FSTL5: variants seen among roughly 807,000 people sequenced by gnomAD.
FSTL5 encodes follistatin like 5, also known as follistatin-related protein 5.
FSTL5 carries 62 observed loss-of-function variants against 89.1 expected under a neutral mutation model. The ratio of observed to expected loss-of-function variants is 0.70; its 90% CI spans 0.57 to 0.86. The LOEUF (loss-of-function observed/expected upper bound fraction) is 0.86. FSTL5 is among the 40% of genes least tolerant of loss of function. FSTL5 has a pLI of 0.00. For missense variants in FSTL5, 1,057 were observed against 1,001.6 expected (o/e 1.06, Z -0.75); for synonymous variants, 383 against 346.2 (o/e 1.11, Z -1.18).
At chr4:162,118,203 C>T (rs1731719623) in intron 1 of FSTL5, among the ~76,000 whole-genome samples, 1 of 152,104 alleles carries the variant, frequency 6.6e-6, no homozygotes, top group Admixed American at 6.5e-5. Context: ...ACACCTACTA[C>T]TGTGAACTCT....
At chr4:162,158,531 A>T (rs1492463) in intron 1 of FSTL5, among the ~76,000 whole-genome samples, 1 of 151,734 alleles carries the variant, frequency 6.6e-6, no homozygotes, top group Admixed American at 6.6e-5. Flanking sequence ...AGTAAAAATG[A>T]TTAGTTTTGA....
chr4:162,081,997 C>T (rs1009452622), intron 2 of FSTL5, among the ~76,000 whole-genome samples: 7 of 151,522 alleles, frequency 4.6e-5, no homozygotes, highest in Non-Finnish European at 8.9e-5. Flanking sequence ...TGCATTGATT[C>T]CAACGTTTAA....
At chr4:161,695,216 C>G (rs1738097355) in intron 6 of FSTL5, among the ~76,000 whole-genome samples, 1 of 152,036 alleles carries the variant, frequency 6.6e-6, no homozygotes, top group Admixed American at 6.6e-5. Flanking sequence ...CCTTCCCAGC[C>G]TTTCCCCCGA....
rs140996439 is a variant in FSTL5 at position 161,534,826 on chromosome 4, T to A, written c.1312+3340A>T. ...CATCACACTATACTTCACACTATACTACAGGGAGACAGTAAACAAAACAGC... is the reference window on the plus strand; with the variant it reads ...CATCACACTATACTTCACACTATACAACAGGGAGACAGTAAACAAAACAGC... On this transcript the variant is annotated intron_variant, in intron 10 of 15. Coordinates refer to ENST00000306100, the MANE Select transcript of FSTL5 (RefSeq NM_020116.5). Among the ~76,000 whole-genome samples, 7 of 152,098 alleles carry A rather than the reference T, an allele frequency of 4.6e-5. No homozygotes were observed. In the East Asian group the frequency reaches 1.4e-3, roughly 29 times the overall value.
chr4:161,866,014 T>C (rs905102287), intron 4 of FSTL5, among the ~76,000 whole-genome samples: 3 of 152,202 alleles, frequency 2.0e-5, no homozygotes, highest in African/African-American at 7.2e-5. Context: ...TGAATACTTT[T>C]AAGTATTCTA....
At chr4:161,883,539 G>A (rs1482462732) in intron 4 of FSTL5, among the ~76,000 whole-genome samples, 2 of 151,996 alleles carry the variant, frequency 1.3e-5, no homozygotes, top group African/African-American at 4.8e-5. Context: ...CAATAAGTAG[G>A]GAAAGCAAAA....
At chr4:161,981,936 A>T (rs1281524833) in intron 3 of FSTL5, among the ~76,000 whole-genome samples, 2 of 152,214 alleles carry the variant, frequency 1.3e-5, no homozygotes, top group African/African-American at 4.8e-5. Flanking sequence ...CCTCAAATTA[A>T]TCCAAGTTCT....
At chr4:162,154,964 C>A (rs1349607704) in intron 1 of FSTL5, among the ~76,000 whole-genome samples, 3 of 152,048 alleles carry the variant, frequency 2.0e-5, no homozygotes, top group African/African-American at 7.2e-5. Context: ...GAAAGAAAAG[C>A]CCAGTGGCAT....
At chr4:161,563,963 G>A (rs1732705571) in intron 8 of FSTL5, among the ~76,000 whole-genome samples, 1 of 151,862 alleles carries the variant, frequency 6.6e-6, no homozygotes, top group Non-Finnish European at 1.5e-5. Flanking sequence ...AAGAAGATAT[G>A]TAAATGCTTA....
chr4:162,125,207 T>C (rs916578882), intron 1 of FSTL5, among the ~76,000 whole-genome samples: 1 of 152,172 alleles, frequency 6.6e-6, no homozygotes, highest in African/African-American at 2.4e-5. Flanking sequence ...TTTAATTATA[T>C]TTTTAATTTT....
At chr4:162,047,726 G>A (rs932690522) in intron 2 of FSTL5, among the ~76,000 whole-genome samples, 3 of 151,962 alleles carry the variant, frequency 2.0e-5, no homozygotes, top group Admixed American at 1.3e-4. Flanking sequence ...TTCGGAGGCT[G>A]AGGCAGGAGA....
intron 7 of FSTL5, among the ~76,000 whole-genome samples, chr4:161,599,637 A>G (rs559131277): frequency 1.1e-3 from 159 of 150,930 alleles, no homozygotes; most frequent in Middle Eastern, 3.4e-3. Flanking sequence ...CAGATTTGCC[A>G]TGAAGCTAAT....
intron 2 of FSTL5, among the ~76,000 whole-genome samples, chr4:162,109,968 A>C (rs1053223315): frequency 6.6e-6 from 1 of 152,008 alleles, no homozygotes; most frequent in African/African-American, 2.4e-5. Context: ...GCTGGGGATA[A>C]AACTGATTAT....
chr4:161,404,852 C>T (rs957749993), intron 15 of FSTL5, among the ~76,000 whole-genome samples: 4 of 151,108 alleles, frequency 2.6e-5, no homozygotes, highest in African/African-American at 4.9e-5. Context: ...CGGACCACAC[C>T]CAGAAAAAAA....
chr4:161,856,628 C>T (rs779452050), intron 4 of FSTL5, among the ~76,000 whole-genome samples: 5 of 147,824 alleles, frequency 3.4e-5, no homozygotes, highest in South Asian at 2.1e-4. Context: ...TATTTACATC[C>T]GTAACTCATT....
intron 2 of FSTL5, among the ~76,000 whole-genome samples, chr4:162,089,632 C>CAAAAA (rs755573032): frequency 2.1e-4 from 9 of 42,556 alleles, no homozygotes; most frequent in Non-Finnish European, 4.2e-4. Context: ...GAATCTGTCT[C>CAAAAA]AAAAAAAAAA....
intron 6 of FSTL5, among the ~76,000 whole-genome samples, chr4:161,740,912 G>C (rs540748992): frequency 6.7e-4 from 102 of 152,058 alleles, no homozygotes; most frequent in Non-Finnish European, 1.4e-3. Context: ...ATCTGGTGAG[G>C]GCCCACTTCC....
rs528376432 is a variant in FSTL5, at chr4:161,925,249, T to C, written c.161-4597A>G. 2.8e-4 allele frequency among the ~76,000 whole-genome samples: 42 copies of C among 152,046 alleles called. 1 individual carries two copies. The highest frequency in any genetic ancestry group is 9.9e-4 in the African/African-American group (41 of 41,548). On this transcript the variant is annotated intron_variant, in intron 3 of 15. Transcript: ENST00000306100. ...CCTGCCTTGAACAATCATATACTTCTTAATTTAAATCATATTTACATACTC... is the reference window on the plus strand; with the variant it reads ...CCTGCCTTGAACAATCATATACTTCCTAATTTAAATCATATTTACATACTC...
At chr4:161,540,748 C>T (rs1731791249) in intron 9 of FSTL5, among the ~76,000 whole-genome samples, 1 of 151,686 alleles carries the variant, frequency 6.6e-6, no homozygotes, top group Non-Finnish European at 1.5e-5. Flanking sequence ...TATTTCTTGT[C>T]TCCTTTTTGT....
Sources: gnomAD v4.1 joint callset for allele counts (sites outside exome capture counted in the v4.1 genomes callset) on GRCh38, gnomAD v4.1.1 for gene constraint, MANE v1.5 for transcripts, NCBI Gene and HGNC (gene_info 2026-07-23, HGNC 2026-07-21) for gene names.